HOXA3: variants seen among roughly 807,000 people sequenced by gnomAD.
The protein encoded by HOXA3 is homeobox protein Hox-A3.
Under a neutral mutation model 30.3 loss-of-function variants are expected in HOXA3, and 8 were observed. That is an observed-to-expected ratio of 0.26 (90% CI 0.15 to 0.48). The LOEUF is 0.48. Among genes scored for constraint, HOXA3 ranks in the 20% least tolerant of loss-of-function variants. HOXA3 has a pLI of 0.99. For synonymous variants in HOXA3, 323 were observed against 273.1 expected, an observed-to-expected ratio of 1.18 and a Z score of -1.80; for missense variants, 653 against 614.4, an observed-to-expected ratio of 1.06 and a Z score of -0.66.
At position 27,118,505 on chromosome 7, in the gene HOXA3, G is replaced by C. The variant is rs370820056; in HGVS notation, c.-121+4054C>G. 4.0e-4 allele frequency among the ~76,000 whole-genome samples: 61 copies of C among 152,284 alleles called. 1 individual carries two copies. The Middle Eastern group carries it at 0.01, about 25-fold the overall frequency. ...ATTTAGCTTTGGGGGAGGGTAGGTG[G>C]GGAACCTTGACCAGCAGTTTTGAGT... On this transcript the variant is annotated intron_variant, in intron 4 of 5. Transcript: ENST00000612286.
rs1046570435 is a variant in HOXA3, at chr7:27,152,250, C to T, written c.-494+38G>A. Reference sequence around the variant, plus strand: ...CCGCTACCGCCGCCGGCTGTCGCCTCACCACCTTTGCTCCTATCTCCTCCC... The same window carrying T: ...CCGCTACCGCCGCCGGCTGTCGCCTTACCACCTTTGCTCCTATCTCCTCCC... On this transcript the variant is annotated intron_variant, in intron 1 of 5. Coordinates refer to ENST00000612286, the MANE Select transcript of HOXA3 (RefSeq NM_153631.3). 1.0e-5 allele frequency: 13 copies of T among 1,248,026 alleles called. No homozygotes were observed. The African/African-American group carries it at 1.9e-4, about 18-fold the overall frequency. The allele number at this position is 1,248,026 out of a possible 1,614,324, so 77.3% of individuals were successfully genotyped here.
intron 2 of HOXA3, chr7:27,130,236 G>C (rs754293061): frequency 2.5e-5 from 33 of 1,329,604 alleles, no homozygotes; most frequent in Non-Finnish European, 2.6e-5. Flanking sequence ...CCCCTGCCGG[G>C]ACGCCTGGGG....
At chr7:27,114,137 A>C (rs1240379474) in intron 4 of HOXA3, 1 of 150,874 alleles carries the variant, frequency 6.6e-6, no homozygotes. Flanking sequence ...GAGGGGAGGG[A>C]CCGGAGGGAG....
intron 1 of HOXA3, among the ~76,000 whole-genome samples, chr7:27,144,159 C>T (rs551236866): frequency 9.8e-5 from 15 of 152,314 alleles, no homozygotes; most frequent in African/African-American, 3.6e-4. Context: ...TTTTGCAGCC[C>T]CTCTTATTTT....
chr7:27,131,604 GC>G (rs1562723835), intron 2 of HOXA3, among the ~76,000 whole-genome samples: 2 of 152,212 alleles, frequency 1.3e-5, no homozygotes. Context: ...CGATGTGAGA[GC>G]TAAATATGCC....
At chr7:27,121,553 A>C (rs1554337571) in intron 4 of HOXA3, among the ~76,000 whole-genome samples, 1 of 152,196 alleles carries the variant, frequency 6.6e-6, no homozygotes, top group Non-Finnish European at 1.5e-5. Flanking sequence ...TATTGGAAAA[A>C]ATAATTGTAT....
intron 1 of HOXA3, chr7:27,150,495 C>T (rs1782934512): frequency 1.3e-5 from 2 of 152,568 alleles, no homozygotes; most frequent in Non-Finnish European, 2.9e-5. Context: ...GCCCAAAGCA[C>T]ACAGGTGCGG....
intron 3 of HOXA3, among the ~76,000 whole-genome samples, chr7:27,126,122 T>C (rs765620034): frequency 2.0e-5 from 3 of 152,176 alleles, no homozygotes; most frequent in Non-Finnish European, 4.4e-5. Flanking sequence ...GGGTATATCA[T>C]AGATTTCAGC....
intron 2 of HOXA3, among the ~76,000 whole-genome samples, chr7:27,138,748 T>C (rs1281256015): frequency 6.6e-6 from 1 of 152,194 alleles, no homozygotes; most frequent in Non-Finnish European, 1.5e-5. Flanking sequence ...CACCCATTGG[T>C]GCAATTTTGG....
rs200882572 is a variant in HOXA3 at position 27,142,066 on chromosome 7, T to C, written c.-493-1880A>G. Reference sequence around the variant, plus strand: ...TGTAGGCCGTCCGGGCCCTTTTGCCTTCCGGGCCGCCTATGTTGTCTGCAA... The same window carrying C: ...TGTAGGCCGTCCGGGCCCTTTTGCCCTCCGGGCCGCCTATGTTGTCTGCAA... On this transcript the variant is annotated intron_variant, in intron 1 of 5. Coordinates refer to ENST00000612286, the MANE Select transcript of HOXA3 (RefSeq NM_153631.3). 3.1e-6 allele frequency: 5 copies of C among 1,613,904 alleles called. No homozygotes were observed. The East Asian group carries it at 8.9e-5, about 29-fold the overall frequency.
At position 27,147,350 on chromosome 7, in the gene HOXA3, T is replaced by C. The variant is rs759130816; in HGVS notation, c.-494+4938A>G. 31 of 1,614,046 alleles carry C rather than the reference T, an allele frequency of 1.9e-5. No individual in the cohort carries two copies. In the South Asian group the frequency reaches 3.2e-4, roughly 17 times the overall value. On this transcript the variant is annotated intron_variant, in intron 1 of 5. Transcript: ENST00000612286. Reference sequence around the variant, plus strand: ...CGCTGCATCCAAGGGTAAACCGGGCTCGTGTACTTCCGGTCGGCGCCTTCG... The same window carrying C: ...CGCTGCATCCAAGGGTAAACCGGGCCCGTGTACTTCCGGTCGGCGCCTTCG...
chr7:27,122,514 T>TG (rs1443144547), intron 4 of HOXA3, 45 bp downstream of exon 4: 3 of 152,254 alleles, frequency 2.0e-5, no homozygotes, highest in Non-Finnish European at 4.4e-5. Context: ...CCAACCGCCC[T>TG]GGTGCAAAGT....
chr7:27,125,560 T>C (rs968478641), intron 3 of HOXA3, among the ~76,000 whole-genome samples: 8 of 152,180 alleles, frequency 5.3e-5, no homozygotes, highest in Admixed American at 3.3e-4. Flanking sequence ...ATGTGTTTCT[T>C]TGGAACACGA....
At position 27,108,670 on chromosome 7, in the gene HOXA3, G is replaced by T. The variant is rs1230280289; in HGVS notation, c.577C>A (p.Arg193Ser). ...KSPPGQASSK[R>S]ARTAYTSAQL... ...GCGCTCGTGTAGGCCGTGCGCGCGC[G>T]CTTGGACGAAGCCTGCCCCGGCGGG... The change falls in exon 6 of 6, where the codon CGC becomes AGC. Residue 193 changes from arginine to serine, a missense_variant. Coordinates refer to ENST00000612286, the MANE Select transcript of HOXA3 (RefSeq NM_153631.3). The surrounding 1 kb of genome is among the most constrained non-coding windows in gnomAD (Gnocchi z 5.0). The T allele has an allele frequency of 1.9e-6, 3 of 1,611,996 alleles. No homozygotes were observed. The highest frequency in any genetic ancestry group is 1.7e-6 in the Non-Finnish European group (2 of 1,178,522).
chr7:27,147,068 C>T (rs1207407416), intron 1 of HOXA3: 1 of 568,262 alleles, frequency 1.8e-6, no homozygotes, highest in Non-Finnish European at 3.1e-6. Context: ...GTGCCAGTGC[C>T]CCCATCCTCC....
At chr7:27,130,735 A>G (rs1349954006) in intron 2 of HOXA3, 1 of 1,603,776 alleles carries the variant, frequency 6.2e-7, no homozygotes, top group Non-Finnish European at 8.5e-7. Context: ...CATGGTCATT[A>G]ATTTGTGAAG....
chr7:27,130,767 C>G (rs1785521626), intron 2 of HOXA3: 7 of 1,582,056 alleles, frequency 4.4e-6, no homozygotes, highest in Non-Finnish European at 6.0e-6. Flanking sequence ...TAATTTTTCT[C>G]GCGTTGTCGT....
In HOXA3 at chr7:27,145,362, C is replaced by T. The variant is rs373980327; in HGVS notation, c.-493-5176G>A. ...GCATTCAGGGCGCACCCCAGAACTC[C>T]GGAGCCGGTTTGGGCATCCTTGTGG... On this transcript the variant is annotated intron_variant, in intron 1 of 5. Transcript: ENST00000612286. 182 of 437,206 alleles carry T rather than the reference C, an allele frequency of 4.2e-4. 1 individual carries two copies. Among genetic ancestry groups the T allele is most frequent in the Admixed American group, 1.2e-3 (33 of 26,610 alleles). The allele number at this position is 437,206 out of a possible 1,614,324, so 27.1% of individuals were successfully genotyped here.
chr7:27,151,674 C>G (rs1158186328), intron 1 of HOXA3: 1 of 456,716 alleles, frequency 2.2e-6, no homozygotes, highest in Non-Finnish European at 4.4e-6. Context: ...AGAACTCTGG[C>G]TGAATTAGTA....
Sources: allele counts gnomAD v4.1 joint callset (sites outside exome capture counted in the v4.1 genomes callset), GRCh38; gene constraint gnomAD v4.1.1; non-coding constraint Gnocchi (gnomAD v3.1); transcripts MANE v1.5; gene names NCBI Gene and HGNC (gene_info 2026-07-23, HGNC 2026-07-21).